ASIC2: variants seen among roughly 807,000 people sequenced by gnomAD.
ASIC2 encodes acid sensing ion channel subunit 2.
Under a neutral mutation model 57.3 loss-of-function variants are expected in ASIC2, and 25 were observed. The ratio of observed to expected loss-of-function variants is 0.44; its 90% CI spans 0.32 to 0.61. ASIC2 has a LOEUF of 0.61. ASIC2 is among the 20% of genes least tolerant of loss of function. The probability of loss-of-function intolerance (pLI) is 0.06; values close to 1 mark genes in which losing one functional copy is unlikely to be tolerated. For synonymous variants in ASIC2, 319 were observed against 307.5 expected (o/e 1.04, Z -0.39); for missense variants, 641 against 738.1 (o/e 0.87, Z 1.52).
chr17:33,436,705 A>G (rs1465231546), intron 1 of ASIC2, among the ~76,000 whole-genome samples: 1 of 152,042 alleles, frequency 6.6e-6, no homozygotes, highest in East Asian at 1.9e-4. Context: ...GCATTAATTA[A>G]ACCCTTTCTT....
intron 1 of ASIC2, among the ~76,000 whole-genome samples, chr17:33,180,731 C>T (rs1597618639): frequency 6.6e-6 from 1 of 152,304 alleles, no homozygotes; most frequent in South Asian, 2.1e-4. Context: ...AGAGATCGTG[C>T]TTCCTGATGC....
intron 6 of ASIC2, among the ~76,000 whole-genome samples, chr17:33,022,919 A>ATTATAT (rs1262003275): frequency 2.0e-5 from 3 of 152,122 alleles, no homozygotes; most frequent in Non-Finnish European, 4.4e-5. Context: ...GATAACCTCA[A>ATTATAT]TTTTATTTTT....
chr17:33,624,397 T>G (rs12601984), intron 1 of ASIC2, among the ~76,000 whole-genome samples: 43,830 of 152,070 alleles, frequency 0.29, 6,486 homozygotes, highest in East Asian at 0.42. Context: ...GGAAAAAGGA[T>G]GGATACACAG....
chr17:33,467,645 C>A (rs553385361), intron 1 of ASIC2, among the ~76,000 whole-genome samples: 1 of 152,156 alleles, frequency 6.6e-6, no homozygotes, highest in East Asian at 1.9e-4. Flanking sequence ...CTCCACAACC[C>A]CTTATCTTAA....
At chr17:34,035,714 T>A (rs1236011213) in intron 1 of ASIC2, among the ~76,000 whole-genome samples, 3 of 150,768 alleles carry the variant, frequency 2.0e-5, no homozygotes, top group African/African-American at 7.3e-5. Flanking sequence ...CATCAAAAAG[T>A]GGGCAAAGGA....
At chr17:33,472,911 G>C (rs1233616820) in intron 1 of ASIC2, among the ~76,000 whole-genome samples, 1 of 152,096 alleles carries the variant, frequency 6.6e-6, no homozygotes, top group Non-Finnish European at 1.5e-5. Flanking sequence ...TGGTAATCTT[G>C]GCCTATTTGT....
chr17:33,107,732 C>T (rs1027258422), intron 2 of ASIC2, among the ~76,000 whole-genome samples: 1 of 152,234 alleles, frequency 6.6e-6, no homozygotes, highest in South Asian at 2.1e-4. Context: ...TAACTTACTC[C>T]TTGGTGTCCT....
chr17:34,075,939 T>C (rs529193060), intron 1 of ASIC2, among the ~76,000 whole-genome samples: 2 of 149,674 alleles, frequency 1.3e-5, no homozygotes, highest in Admixed American at 6.7e-5. Context: ...AGTGATTGTC[T>C]TGCCTCAGCC....
chr17:33,604,702 A>G (rs996009244), intron 1 of ASIC2, among the ~76,000 whole-genome samples: 2 of 152,152 alleles, frequency 1.3e-5, no homozygotes, highest in African/African-American at 4.8e-5. Context: ...AGAGCCAGGT[A>G]GATGGGCACA....
At chr17:33,107,563 G>A (rs1182124354) in intron 2 of ASIC2, among the ~76,000 whole-genome samples, 6 of 152,078 alleles carry the variant, frequency 3.9e-5, no homozygotes, top group Admixed American at 3.3e-4. Context: ...ATATTATCAC[G>A]GTGCCCCACA....
In ASIC2 at chr17:33,514,843, C is replaced by T. The variant is rs547698467; in HGVS notation, c.556-402776G>A. ...TCACTCTCTAAATCACTGACTTTCT[C>T]GGCCCCTTGGCTGTGTGGCCATAGA... On this transcript the variant is annotated intron_variant, in intron 1 of 9. Coordinates refer to the ASIC2 transcript ENST00000359872. Among the ~76,000 whole-genome samples, 281 of 152,328 alleles carry T rather than the reference C, an allele frequency of 1.8e-3. 1 individual carries two copies. The highest frequency in any genetic ancestry group is 2.7e-3 in the Non-Finnish European group (187 of 68,040).
chr17:34,089,726 C>T (rs1910254459), intron 1 of ASIC2, among the ~76,000 whole-genome samples: 1 of 152,120 alleles, frequency 6.6e-6, no homozygotes, highest in African/African-American at 2.4e-5. Flanking sequence ...TCATTTCATC[C>T]CCTCAGACTC....
At chr17:33,719,699 G>C (rs545714654) in intron 1 of ASIC2, among the ~76,000 whole-genome samples, 1 of 152,216 alleles carries the variant, frequency 6.6e-6, no homozygotes. Flanking sequence ...AAGGCACTGA[G>C]TCTTGCCTTG....
At chr17:33,364,853 C>T (rs368413883) in intron 1 of ASIC2, among the ~76,000 whole-genome samples, 14 of 152,192 alleles carry the variant, frequency 9.2e-5, no homozygotes, top group African/African-American at 3.1e-4. Flanking sequence ...AATTCCCCTT[C>T]GTTACTGTGT....
At chr17:33,383,970 G>A (rs570445696) in intron 1 of ASIC2, among the ~76,000 whole-genome samples, 20 of 152,304 alleles carry the variant, frequency 1.3e-4, no homozygotes, top group African/African-American at 4.6e-4. Context: ...CCAGAGAGTG[G>A]TGTGGCTGTT....
chr17:33,441,880 AC>A (rs750375341), intron 1 of ASIC2, among the ~76,000 whole-genome samples: 2 of 152,206 alleles, frequency 1.3e-5, no homozygotes, highest in Non-Finnish European at 2.9e-5. Flanking sequence ...AATAAAACTT[AC>A]ATTAAATAAA....
chr17:33,026,175 A>G (rs1007307947), intron 4 of ASIC2, among the ~76,000 whole-genome samples, 193 bp from the exon 5 acceptor site: 1 of 152,176 alleles, frequency 6.6e-6, no homozygotes, highest in Non-Finnish European at 1.5e-5. Context: ...CTGATCTGCT[A>G]TGTAAGCTTG....
chr17:33,924,295 G>A (rs1359715840), intron 1 of ASIC2, among the ~76,000 whole-genome samples: 1 of 152,180 alleles, frequency 6.6e-6, no homozygotes, highest in Non-Finnish European at 1.5e-5. Flanking sequence ...TTGCAGAGCG[G>A]GCTTGCAAAG....
chr17:33,652,151 C>T (rs1228880163), intron 1 of ASIC2, among the ~76,000 whole-genome samples: 2 of 152,128 alleles, frequency 1.3e-5, no homozygotes, highest in Non-Finnish European at 2.9e-5. Flanking sequence ...ATATTTAGGT[C>T]CTTGGACAAT....
Sources: allele counts gnomAD v4.1 joint callset (sites outside exome capture counted in the v4.1 genomes callset), GRCh38; gene constraint gnomAD v4.1.1; transcripts MANE v1.5; gene names NCBI Gene and HGNC (gene_info 2026-07-23, HGNC 2026-07-21).